The following FLG variants were observed in gnomAD, a reference collection of about 807,000 sequenced individuals.
The protein encoded by FLG is filaggrin, also known as epidermal filaggrin.
A neutral mutation model predicts 3.8 loss-of-function variants in FLG; 6 were observed. The observed-to-expected ratio is 1.60, with a 90% confidence interval of 0.87 to 3.15. The LOEUF (loss-of-function observed/expected upper bound fraction) is 3.15, where lower values mean the gene tolerates loss of function less well. Ranked by LOEUF, FLG falls within the 30% of genes most tolerant of loss-of-function variation. The pLI, the probability that FLG is intolerant of heterozygous loss-of-function variation, is 0.00. For synonymous variants in FLG, 2,551 were observed against 1,931.6 expected, an observed-to-expected ratio of 1.32 and a Z score of -8.41; for missense variants, 7,595 against 5,050.9, an observed-to-expected ratio of 1.50 and a Z score of -15.27.
intron 1 of FLG, among the ~76,000 whole-genome samples, chr1:152,315,924 A>G (rs1652774569): frequency 6.6e-6 from 1 of 152,244 alleles, no homozygotes; most frequent in Non-Finnish European, 1.5e-5. Context: ...TAGCCATATG[A>G]CAAGATACTC....
rs774605732 is a variant in FLG, at chr1:152,304,821, CACTG to C, written c.10061_10064del (p.Ser3354CysfsTer36). The C allele has an allele frequency of 1.9e-6, 3 of 1,613,762 alleles. No homozygotes were observed. Among genetic ancestry groups the C allele is most frequent in the Admixed American group, 1.7e-5 (1 of 59,978 alleles). On this transcript the variant is annotated frameshift_variant, in exon 3 of 3. Transcript: ENST00000368799. LOFTEE classifies it low-confidence loss of function (END_TRUNC). ...GGGGCCCAGCCTGTCCATGGCCTGA[CACTG>C]ACTGTGTGTCTGACTCTTCTGAATG...
At position 152,313,472 on chromosome 1, in the gene FLG, C is replaced by A. The variant is rs532480960; in HGVS notation, c.1414G>T (p.Val472Leu). ...SGRSGSSLYQVSTHEQPDSAH... is the reference protein window; with the variant it reads ...SGRSGSSLYQLSTHEQPDSAH... ...GAGTCAGGCTGTTCATGAGTGCTCACCTGGTAGAGGGAAGACCCTGAACGT... is the reference window on the plus strand; with the variant it reads ...GAGTCAGGCTGTTCATGAGTGCTCAACTGGTAGAGGGAAGACCCTGAACGT... The change falls in exon 3 of 3, where the codon GTG becomes TTG. Residue 472 changes from valine to leucine, a missense_variant. By Grantham distance (32) the Val-to-Leu change is conservative (BLOSUM62 1). Transcript: ENST00000368799. 1 of 1,613,790 alleles carries A rather than the reference C, an allele frequency of 6.2e-7. No homozygotes were observed. The highest frequency in any genetic ancestry group is 8.5e-7 in the Non-Finnish European group (1 of 1,179,998).
At position 152,311,917 on chromosome 1, in the gene FLG, T is replaced by A; in HGVS notation, c.2969A>T (p.Glu990Val). 1 of 1,614,130 alleles carries A rather than the reference T, an allele frequency of 6.2e-7. No individual in the cohort carries two copies. ...AGAGTGCCCGTGACCGGCTCTGTCT[T>A]CGTGATGGGACCTGGGGTGTCTGGA... ...HGSRHPRSHH[E>V]DRAGHGHSAD... is the part of the protein sequence containing the mutation. The change falls in exon 3 of 3, where the codon GAA (glutamate) becomes GTA (valine). Residue 990 changes from glutamate to valine, a missense_variant. Physicochemically the swap from Glu to Val is moderately radical, Grantham distance 121. Transcript: ENST00000368799.
In FLG at chr1:152,308,545, C is replaced by T. The variant is rs1402191299; in HGVS notation, c.6341G>A (p.Arg2114Lys). 9.9e-6 allele frequency: 16 copies of T among 1,614,020 alleles called. No individual in the cohort carries two copies. Among genetic ancestry groups the T allele is most frequent in the Admixed American group, 5.0e-5 (3 of 59,994 alleles). The change falls in exon 3 of 3, where the codon AGA (arginine) becomes AAA (lysine). Residue 2114 changes from arginine to lysine, a missense_variant. Arg to Lys is a conservative substitution (Grantham distance 26, BLOSUM62 2). Transcript: ENST00000368799. ...TGCCTGATCATAATGGGATCCTTGT[C>T]TTCCTCCAGTGCTGGGCGCAGACTG... The part of the protein sequence containing the change: ...HGQSAPSTGG[R>K]QGSHYDQAQD...
rs1418269356 is a variant in FLG, at chr1:152,306,218, T to C, written c.8668A>G (p.Ser2890Gly). 4 of 1,604,418 alleles carry C rather than the reference T, an allele frequency of 2.5e-6. No individual in the cohort carries two copies. The highest frequency in any genetic ancestry group is 2.5e-6 in the Non-Finnish European group (3 of 1,180,022). Residue 2890 changes from serine to glycine, a missense_variant, in exon 3 of 3, where the codon AGT (serine) becomes GGT (glycine). Transcript: ENST00000368799. ...GSRRSRRQGS[S>G]VSQDSDSEGH... ...TCACTGTCACTGTCCTGGCTCACAC[T>C]GGATCCCTGGCGCCTGCTTCTCCTG... is the stretch of plus-strand genomic sequence containing the variant.
In FLG at chr1:152,302,905, G is replaced by A. The variant is rs762153316; in HGVS notation, c.11981C>T (p.Ser3994Phe). The A allele has an allele frequency of 9.9e-6, 16 of 1,614,146 alleles. No homozygotes were observed. Among genetic ancestry groups the A allele is most frequent in the Non-Finnish European group, 1.1e-5 (13 of 1,180,032 alleles). ...YDYGESGFRH[S>F]QHGSVSYNSN... The stretch of plus-strand genomic sequence containing the variant: ...ATTGTAACTAACACTTCCGTGCTGA[G>A]AGTGTCTAAACCCGGATTCACCATA... The change falls in exon 3 of 3, where the codon TCT becomes TTT. Residue 3994 changes from serine to phenylalanine, a missense_variant. Transcript: ENST00000368799.
chr1:152,317,563 C>T (rs1652828695), intron 1 of FLG, among the ~76,000 whole-genome samples: 1 of 152,036 alleles, frequency 6.6e-6, no homozygotes, highest in East Asian at 1.9e-4. Context: ...ACCTCAATGG[C>T]CACTTTTTTC....
rs886752761 is a variant in FLG, at chr1:152,313,090, C to T, written c.1796G>A (p.Arg599Lys). 6 of 1,613,844 alleles carry T rather than the reference C, an allele frequency of 3.7e-6. No homozygotes were observed. In the Admixed American group the frequency reaches 5.0e-5, roughly 13 times the overall value. The change falls in exon 3 of 3, where the codon AGA (arginine) becomes AAA (lysine). Residue 599 changes from arginine to lysine, a missense_variant. Transcript: ENST00000368799. ...HEASSQADSS[R>K]HSQVGQGQSS... Reference sequence around the variant, plus strand: ...TTGTCCCTGGCCCACCTGTGAGTGTCTAGAGCTGTCAGCCTGAGAGGAAGC... The same window carrying T: ...TTGTCCCTGGCCCACCTGTGAGTGTTTAGAGCTGTCAGCCTGAGAGGAAGC...
rs150251062 is a variant in FLG at position 152,310,990 on chromosome 1, C to G, written c.3896G>C (p.Arg1299Pro). The change falls in exon 3 of 3, where the codon CGG becomes CCG. Residue 1299 changes from arginine (R) to proline (P), a missense_variant. Coordinates refer to ENST00000368799, the MANE Select transcript of FLG (RefSeq NM_002016.2). ...TCTGGAGCCATCTCTTGACTGCTCC[C>G]GAGAAGATCCATGATGGTTTCTGGA... is the stretch of plus-strand genomic sequence containing the variant. ...SASRNHHGSS[R>P]EQSRDGSRHP... 15 of 1,613,630 alleles carry G rather than the reference C, an allele frequency of 9.3e-6. No homozygotes were observed. The highest frequency in any genetic ancestry group is 1.6e-4 in the Middle Eastern group (1 of 6,080).
rs1377816801 is a variant in FLG at position 152,305,121 on chromosome 1, C to T, written c.9765G>A (p.Arg3255=). 4.3e-6 allele frequency: 7 copies of T among 1,613,780 alleles called. No individual in the cohort carries two copies. Among genetic ancestry groups the T allele is most frequent in the South Asian group, 1.1e-5 (1 of 91,034 alleles). ...EQSRHGSRHP[R]SHHEDRAGHG... ...GACCGGCTCTGTCTTCGTGATGGGA[C>T]CTGGGGTGTCTGGAGCCGTGCCTTG... Residue 3255 remains arginine, a synonymous_variant, in exon 3 of 3, where the codon AGG becomes AGA. Coordinates refer to ENST00000368799, the MANE Select transcript of FLG (RefSeq NM_002016.2).
rs746224350 is a variant in FLG, at chr1:152,312,841, G to A, written c.2045C>T (p.Thr682Ile). 2 of 1,614,086 alleles carry A rather than the reference G, an allele frequency of 1.2e-6. No homozygotes were observed. The highest frequency in any genetic ancestry group is 1.1e-5 in the South Asian group (1 of 91,076). ...HSADSSRKSG[T>I]RHTQNSSSGQ... The stretch of plus-strand genomic sequence containing the variant: ...ACTAGAGGAATTCTGTGTGTGACGA[G>A]TGCCTGATTTTCTGGAGCTGTCTGC... Residue 682 changes from threonine to isoleucine, a missense_variant, in exon 3 of 3, where the codon ACT becomes ATT. Physicochemically the swap from Thr to Ile is moderately conservative, Grantham distance 89. Coordinates refer to ENST00000368799, the MANE Select transcript of FLG (RefSeq NM_002016.2).
In FLG at chr1:152,312,094, C is replaced by A. The variant is rs1652473422; in HGVS notation, c.2792G>T (p.Gly931Val). 3 of 1,613,998 alleles carry A rather than the reference C, an allele frequency of 1.9e-6. No individual in the cohort carries two copies. Among genetic ancestry groups the A allele is most frequent in the Non-Finnish European group, 2.5e-6 (3 of 1,180,016 alleles). The change falls in exon 3 of 3, where the codon GGA (glycine) becomes GTA (valine). Residue 931 changes from glycine to valine, a missense_variant. Physicochemically the swap from Gly to Val is moderately radical, Grantham distance 109. Transcript: ENST00000368799. ...DISRHSQAGQ[G>V]QSEGSRTSRR... is the part of the protein sequence containing the mutation. ...GCTTGTCCTGGACCCCTCTGATTGT[C>A]CCTGGCCTGCCTGTGAGTGTCTAGA... is the stretch of plus-strand genomic sequence containing the variant.
At position 152,303,253 on chromosome 1, in the gene FLG, C is replaced by A. The variant is rs755138083; in HGVS notation, c.11633G>T (p.Arg3878Met). The A allele has an allele frequency of 1.9e-6, 3 of 1,614,110 alleles. No individual in the cohort carries two copies. Among genetic ancestry groups the A allele is most frequent in the South Asian group, 2.2e-5 (2 of 91,062 alleles). ...DSEAYPEDSE[R>M]RSESASRNHH... ...GTTTCTGGAAGCAGACTCAGATCGCCTCTCAGAGTCCTCTGGGTATGCCTC... is the reference window on the plus strand; with the variant it reads ...GTTTCTGGAAGCAGACTCAGATCGCATCTCAGAGTCCTCTGGGTATGCCTC... Residue 3878 changes from arginine to methionine, a missense_variant, in exon 3 of 3, where the codon AGG (arginine) becomes ATG (methionine). Physicochemically the swap from Arg to Met is moderately conservative, Grantham distance 91 (BLOSUM62 -1). Transcript: ENST00000368799.
rs774296346 is a variant in FLG, at chr1:152,312,656, C to T, written c.2230G>A (p.Gly744Ser). 1.9e-6 allele frequency: 3 copies of T among 1,613,978 alleles called. No individual in the cohort carries two copies. Among genetic ancestry groups the T allele is most frequent in the Non-Finnish European group, 1.7e-6 (2 of 1,180,010 alleles). The stretch of plus-strand genomic sequence containing the variant: ...CCCTCACTGTCAGTGGCCTGACTAC[C>T]ACTGGACCCTCGGTGTCCACTGTCT... ...VRDSGHRGSS[G>S]SQATDSEGHS... The change falls in exon 3 of 3, where the codon GGT becomes AGT. Residue 744 changes from glycine to serine, a missense_variant. Transcript: ENST00000368799.
Position 152,310,991 on chromosome 1 carries a change from G to A in FLG, c.3895C>T (p.Arg1299Trp), listed in dbSNP as rs200557207. ...CTGGAGCCATCTCTTGACTGCTCCC[G>A]AGAAGATCCATGATGGTTTCTGGAA... ...SASRNHHGSS[R>W]EQSRDGSRHP... Residue 1299 changes from arginine (R) to tryptophan (W), a missense_variant, in exon 3 of 3, where the codon CGG (arginine) becomes TGG (tryptophan). Arg to Trp is a moderately radical substitution (Grantham distance 101). Transcript: ENST00000368799. The A allele has an allele frequency of 2.5e-5, 41 of 1,612,806 alleles. No homozygotes were observed. The highest frequency in any genetic ancestry group is 5.4e-5 in the African/African-American group (4 of 74,100).
rs1271423340 is a variant in FLG, at chr1:152,313,594, T to A, written c.1292A>T (p.Asn431Ile). The A allele has an allele frequency of 6.2e-7, 1 of 1,613,410 alleles. No individual in the cohort carries two copies. Among genetic ancestry groups the A allele is most frequent in the East Asian group, 2.2e-5 (1 of 44,846 alleles). ...GCCTGACACTGATTGTGTGTCTGAG[T>A]TTTCTGAATGTCCCTCACTGTCACT... ...QASDSEGHSENSDTQSVSGHG... is the reference protein window; with the variant it reads ...QASDSEGHSEISDTQSVSGHG... The change falls in exon 3 of 3, where the codon AAC becomes ATC. Residue 431 changes from asparagine (N) to isoleucine (I), a missense_variant. Physicochemically the swap from Asn to Ile is moderately radical, Grantham distance 149 (BLOSUM62 -3). Transcript: ENST00000368799.
Position 152,307,569 on chromosome 1 carries a change from T to G in FLG, c.7317A>C (p.Gln2439His). ...CTCGTGCCTGCTTGTGGTGGGATCC[T>G]TGTCTTCCTCCAGTGCTGGTCCCGG... is the stretch of plus-strand genomic sequence containing the variant. ...GRTGTSTGGR[Q>H]GSHHKQARDS... The change falls in exon 3 of 3, where the codon CAA becomes CAC. Residue 2439 changes from glutamine to histidine, a missense_variant. Coordinates refer to ENST00000368799, the MANE Select transcript of FLG (RefSeq NM_002016.2). The G allele has an allele frequency of 6.2e-7, 1 of 1,613,658 alleles. No homozygotes were observed. The highest frequency in any genetic ancestry group is 8.5e-7 in the Non-Finnish European group (1 of 1,179,916).
chr1:152,303,629 C>T lies in FLG; in HGVS notation c.11257G>A (p.Glu3753Lys). The change falls in exon 3 of 3, where the codon GAG becomes AAG. Residue 3753 changes from glutamate (E) to lysine (K), a missense_variant. Glu to Lys is a moderately conservative substitution (Grantham distance 56). Transcript: ENST00000368799. ...RDSSRHSASQ[E>K]GQDTIRGHPG... ...TGTCCACGAATGGTGTCCTGACCCT[C>T]TTGGGACGCTGAGTGCCTGGAGCTG... 1 of 1,613,774 alleles carries T rather than the reference C, an allele frequency of 6.2e-7. No homozygotes were observed. The highest frequency in any genetic ancestry group is 8.5e-7 in the Non-Finnish European group (1 of 1,179,916).
rs750272208 is a variant in FLG, at chr1:152,304,458, G to A, written c.10428C>T (p.Ser3476=). 2 of 1,612,464 alleles carry A rather than the reference G, an allele frequency of 1.2e-6. No homozygotes were observed. Among genetic ancestry groups the A allele is most frequent in the East Asian group, 2.2e-5 (1 of 44,594 alleles). ...CACTTCTGGATCCTGACTGCCCACG[G>A]GAGGCATCAGACCTTCCCTGGGATG... The part of the protein sequence containing the change: ...HTTSQGRSDA[S]RGQSGSRSAS... Residue 3476 remains serine (S), a synonymous_variant, in exon 3 of 3, where the codon TCC becomes TCT. Coordinates refer to ENST00000368799, the MANE Select transcript of FLG (RefSeq NM_002016.2).
Sources: gnomAD v4.1 joint callset for allele counts (sites outside exome capture counted in the v4.1 genomes callset) on GRCh38, gnomAD v4.1.1 for gene constraint, MANE v1.5 for transcripts, NCBI Gene and HGNC (gene_info 2026-07-23, HGNC 2026-07-21) for gene names.